UTS2: variants seen among roughly 807,000 people sequenced by gnomAD.
UTS2 encodes urotensin 2, also known as urotensin-2.
UTS2 carries 10 observed loss-of-function variants against 12.6 expected under a neutral mutation model. The ratio of observed to expected loss-of-function variants is 0.80; its 90% confidence interval spans 0.49 to 1.35. The LOEUF (loss-of-function observed/expected upper bound fraction) is 1.35, where lower values mean the gene tolerates loss of function less well. Among genes scored for constraint, UTS2 ranks in the 40% most tolerant of loss-of-function variants. The pLI, the probability that UTS2 is intolerant of heterozygous loss-of-function variation, is 0.00. For synonymous variants in UTS2, 52 were observed against 50.0 expected, an observed-to-expected ratio of 1.04 and a Z score of -0.17; for missense variants, 142 against 143.2, an observed-to-expected ratio of 0.99 and a Z score of 0.04.
chr1:7,886,759 G>A, the UTS2 span, among the ~76,000 whole-genome samples: 22,056 of 151,842 alleles, frequency 0.15, 1,910 homozygotes, highest in Non-Finnish European at 0.18. Context: ...ATCAGAGGGG[G>A]AAAAAAAGCT....
chr1:7,860,466 G>C, the UTS2 span, among the ~76,000 whole-genome samples: 1 of 152,146 alleles, frequency 6.6e-6, no homozygotes, highest in Non-Finnish European at 1.5e-5. Context: ...AGAAGGGCAG[G>C]TCACACAGGC....
the UTS2 span, among the ~76,000 whole-genome samples, chr1:7,895,807 T>C: frequency 6.6e-6 from 1 of 151,984 alleles, no homozygotes; most frequent in African/African-American, 2.4e-5. Flanking sequence ...GATAAAACTC[T>C]ATTTGAGTGA....
chr1:7,863,012 TGTA>T, the UTS2 span, among the ~76,000 whole-genome samples: 1 of 21,686 alleles, frequency 4.6e-5, no homozygotes, highest in African/African-American at 1.5e-4. Context: ...TGTATTGTAT[TGTA>T]TTGTATTGTA....
chr1:7,848,850 T>C lies in UTS2; in HGVS notation c.258+790A>G, dbSNP rs144486552. On this transcript the variant is annotated intron_variant, in intron 3 of 3. Coordinates refer to ENST00000361696, the MANE Select transcript of UTS2 (RefSeq NM_006786.4). ...ATCGTTCAGGTCAATGTCTGGAGCA[T>C]GGCCTTCCTCCATTAGATGTTGTCT... Among the ~76,000 whole-genome samples, 1,158 of 152,278 alleles carry C rather than the reference T, an allele frequency of 7.6e-3. 7 individuals carry two copies. Among genetic ancestry groups the C allele is most frequent in the Non-Finnish European group, 0.013 (858 of 68,024 alleles).
chr1:7,891,536 A>AAAGAAAAGAAAGAAAGAAAGAAAG, the UTS2 span, among the ~76,000 whole-genome samples: 10 of 109,906 alleles, frequency 9.1e-5, no homozygotes, highest in Non-Finnish European at 1.4e-4. Flanking sequence ...AGAAAGAAAG[A>AAAGAAAAGAAAGAAAGAAAGAAAG]AAAGAAAGAA....
chr1:7,847,845 A>G lies in UTS2; in HGVS notation c.296T>C (p.Leu99Pro), dbSNP rs771503930. 2 of 1,614,004 alleles carry G rather than the reference A, an allele frequency of 1.2e-6. No individual in the cohort carries two copies. The highest frequency in any genetic ancestry group is 1.7e-6 in the Non-Finnish European group (2 of 1,179,940). Residue 99 changes from leucine (L) to proline (P), a missense_variant, in exon 4 of 4, where the codon CTG becomes CCG. Coordinates refer to ENST00000361696, the MANE Select transcript of UTS2 (RefSeq NM_006786.4). ...CCAGATTCTGGCCAAAAGATGACTCAGTAAAATGTTAGGATCTTGTCCAGA... is the reference window on the plus strand; with the variant it reads ...CCAGATTCTGGCCAAAAGATGACTCGGTAAAATGTTAGGATCTTGTCCAGA... ...DFSGQDPNILLSHLLARIWKP... is the reference protein window; with the variant it reads ...DFSGQDPNILPSHLLARIWKP...
the UTS2 span, among the ~76,000 whole-genome samples, chr1:7,863,612 A>C: frequency 1.1e-4 from 17 of 152,318 alleles, no homozygotes; most frequent in African/African-American, 3.8e-4. Flanking sequence ...CTTGGTGGGC[A>C]CCCAAATGGC....
chr1:7,876,310 C>A, the UTS2 span, among the ~76,000 whole-genome samples: 5 of 152,198 alleles, frequency 3.3e-5, no homozygotes, highest in African/African-American at 1.2e-4. Flanking sequence ...AGCACCCACA[C>A]ACATCAGGGG....
In UTS2 at chr1:7,850,805, A is replaced by G. The variant is rs1558505003; in HGVS notation, c.214+7T>C. The stretch of plus-strand genomic sequence containing the variant: ...CAGACACGCTATAAACATGAGAAGC[A>G]TTTTACCTGCTTTCCTGAGAATATC... On this transcript the variant is annotated splice_region_variant and intron_variant, in intron 2 of 3. Coordinates refer to ENST00000361696, the MANE Select transcript of UTS2 (RefSeq NM_006786.4). The G allele has an allele frequency of 6.2e-7, 1 of 1,614,004 alleles. No individual in the cohort carries two copies. Among genetic ancestry groups the G allele is most frequent in the Admixed American group, 1.7e-5 (1 of 60,018 alleles).
At chr1:7,883,707 C>G in the UTS2 span, among the ~76,000 whole-genome samples, 4 of 152,118 alleles carry the variant, frequency 2.6e-5, no homozygotes, top group Non-Finnish European at 5.9e-5. Context: ...GGAATTGCCA[C>G]AACTACCCCA....
the UTS2 span, among the ~76,000 whole-genome samples, chr1:7,861,743 C>G: frequency 6.6e-6 from 1 of 152,110 alleles, no homozygotes; most frequent in Non-Finnish European, 1.5e-5. Context: ...AAGGCGGAAA[C>G]GAGCAGGTCC....
chr1:7,860,371 G>A, the UTS2 span, among the ~76,000 whole-genome samples: 2 of 152,032 alleles, frequency 1.3e-5, no homozygotes, highest in African/African-American at 4.8e-5. Context: ...GACTGTATTA[G>A]GCCTGTTTGA....
chr1:7,861,895 T>C, the UTS2 span, among the ~76,000 whole-genome samples: 1 of 151,476 alleles, frequency 6.6e-6, no homozygotes, highest in African/African-American at 2.4e-5. Context: ...GCCAGAATAC[T>C]GGTTTCTAAC....
the UTS2 span, among the ~76,000 whole-genome samples, chr1:7,911,145 CG>C: frequency 6.6e-6 from 1 of 152,060 alleles, no homozygotes; most frequent in South Asian, 2.1e-4. Context: ...AGGTGCACAG[CG>C]GGTGTCCCCC....
upstream of UTS2, among the ~76,000 whole-genome samples, chr1:7,855,183 A>G (rs745329503): frequency 2.0e-5 from 3 of 151,920 alleles, no homozygotes; most frequent in Non-Finnish European, 4.4e-5. Context: ...ACAAGTCATG[A>G]TGTATACCAT....
chr1:7,863,502 G>A, the UTS2 span, among the ~76,000 whole-genome samples: 10 of 152,218 alleles, frequency 6.6e-5, no homozygotes, highest in Non-Finnish European at 1.0e-4. Flanking sequence ...CACTTACCAC[G>A]TTTTACTTTT....
chr1:7,877,741 C>T, the UTS2 span, among the ~76,000 whole-genome samples: 80 of 152,146 alleles, frequency 5.3e-4, no homozygotes, highest in African/African-American at 1.8e-3. Flanking sequence ...GGCATGGTGG[C>T]ATGTGCCTGT....
chr1:7,858,397 C>T (rs775027384), upstream of UTS2, among the ~76,000 whole-genome samples: 4 of 152,144 alleles, frequency 2.6e-5, no homozygotes, highest in South Asian at 2.1e-4. Flanking sequence ...GCATTGTCTG[C>T]GTGTCATAAA....
At chr1:7,906,449 G>GAGAAAGAAGGAAAGAAAGAA in the UTS2 span, among the ~76,000 whole-genome samples, 1 of 73,226 alleles carries the variant, frequency 1.4e-5, no homozygotes, top group Non-Finnish European at 2.6e-5. Flanking sequence ...GAAAGAAAAA[G>GAGAAAGAAGGAAAGAAAGAA]AGAAAGAAAG....
Sources: allele counts gnomAD v4.1 joint callset (sites outside exome capture counted in the v4.1 genomes callset), GRCh38; gene constraint gnomAD v4.1.1; transcripts MANE v1.5; gene names NCBI Gene and HGNC (gene_info 2026-07-23, HGNC 2026-07-21).